Variants in HHAT observed in about 807,000 individuals in gnomAD.
HHAT encodes protein-cysteine N-palmitoyltransferase HHAT.
A neutral mutation model predicts 70.8 loss-of-function variants in HHAT; 47 were observed. That is an observed-to-expected ratio of 0.66 (90% confidence interval 0.53 to 0.85). The LOEUF (loss-of-function observed/expected upper bound fraction) is 0.85, where lower values mean the gene tolerates loss of function less well. Among genes scored for constraint, HHAT ranks in the 40% least tolerant of loss-of-function variants. The pLI is 0.00. For missense variants in HHAT, 609 were observed against 604.8 expected, an observed-to-expected ratio of 1.01 and a Z score of -0.07; for synonymous variants, 228 against 247.6, an observed-to-expected ratio of 0.92 and a Z score of 0.74.
At chr1:210,511,788 T>C (rs1391168367) in intron 8 of HHAT, among the ~76,000 whole-genome samples, 1 of 70,722 alleles carries the variant, frequency 1.4e-5, no homozygotes, top group Non-Finnish European at 3.1e-5. Context: ...GTCTTTTTTT[T>C]TTTTTTTTTT....
intron 3 of HHAT, among the ~76,000 whole-genome samples, chr1:210,384,953 A>G (rs2090928167): frequency 6.6e-6 from 1 of 152,136 alleles, no homozygotes. Context: ...TTAAATAGGG[A>G]AGAATAGACA....
At position 210,362,937 on chromosome 1, in the gene HHAT, A is replaced by G; in HGVS notation, c.159+18A>G. 1 of 1,564,386 alleles carries G rather than the reference A, an allele frequency of 6.4e-7. No homozygotes were observed. Among genetic ancestry groups the G allele is most frequent in the Non-Finnish European group, 8.8e-7 (1 of 1,134,710 alleles). ...TAAAGAAGGTACAAAGTGGATGCAT[A>G]ATAAATCTCAGTTTTCAAACCTGAT... On this transcript the variant is annotated intron_variant, in intron 3 of 11. Coordinates refer to ENST00000261458, the MANE Select transcript of HHAT (RefSeq NM_018194.6).
intron 3 of HHAT, among the ~76,000 whole-genome samples, chr1:210,365,563 C>G (rs2088861967): frequency 6.6e-6 from 1 of 151,934 alleles, no homozygotes; most frequent in Non-Finnish European, 1.5e-5. Flanking sequence ...GGTGATCCAC[C>G]TGCATTGGCC....
intron 6 of HHAT, among the ~76,000 whole-genome samples, chr1:210,411,664 AG>A (rs2092559358): frequency 6.6e-6 from 1 of 152,130 alleles, no homozygotes; most frequent in African/African-American, 2.4e-5. Flanking sequence ...CTGAGGCAGG[AG>A]GATTGCTTGA....
intron 11 of HHAT, among the ~76,000 whole-genome samples, chr1:210,667,612 T>C (rs931820370): frequency 1.3e-5 from 2 of 152,146 alleles, no homozygotes; most frequent in Admixed American, 1.3e-4. Context: ...TTGCCAGTTT[T>C]ATACACCCTT....
At chr1:210,507,230 TAC>T (rs1005905062) in intron 8 of HHAT, among the ~76,000 whole-genome samples, 1 of 152,184 alleles carries the variant, frequency 6.6e-6, no homozygotes, top group African/African-American at 2.4e-5. Context: ...ATTGAGAATA[TAC>T]AGAGTGCTTA....
intron 1 of HHAT, among the ~76,000 whole-genome samples, chr1:210,346,070 G>GAA (rs10616850): frequency 7.7e-6 from 1 of 129,638 alleles, no homozygotes. Flanking sequence ...TCTCCAGGAA[G>GAA]AAAAAAAAAA....
At chr1:210,535,344 A>G (rs2095359523) in intron 9 of HHAT, among the ~76,000 whole-genome samples, 1 of 152,154 alleles carries the variant, frequency 6.6e-6, no homozygotes, top group Non-Finnish European at 1.5e-5. Flanking sequence ...GGTACTGTAC[A>G]GTATTGTAAG....
At chr1:210,511,056 G>A (rs2094944704) in intron 8 of HHAT, among the ~76,000 whole-genome samples, 2 of 152,220 alleles carry the variant, frequency 1.3e-5, no homozygotes, top group African/African-American at 4.8e-5. Context: ...TGTCTGTGGT[G>A]TGGATATTTA....
intron 9 of HHAT, among the ~76,000 whole-genome samples, chr1:210,543,191 T>A (rs2095448141): frequency 6.6e-6 from 1 of 152,160 alleles, no homozygotes; most frequent in African/African-American, 2.4e-5. Context: ...AAAAAGAAAT[T>A]CAGCTAATTT....
At chr1:210,477,907 A>G (rs1005258072) in intron 8 of HHAT, among the ~76,000 whole-genome samples, 4 of 152,232 alleles carry the variant, frequency 2.6e-5, no homozygotes, top group African/African-American at 9.6e-5. Flanking sequence ...CATTGTCATC[A>G]TAATGTAAAT....
At chr1:210,614,407 T>A (rs183609905) in intron 10 of HHAT, among the ~76,000 whole-genome samples, 168 of 152,202 alleles carry the variant, frequency 1.1e-3, no homozygotes, top group South Asian at 8.3e-3. Flanking sequence ...CTTTAAAAAA[T>A]TTTTTAAATA....
At chr1:210,644,515 A>G (rs1174252041) in intron 11 of HHAT, among the ~76,000 whole-genome samples, 1 of 145,768 alleles carries the variant, frequency 6.9e-6, no homozygotes, top group Admixed American at 7.1e-5. Flanking sequence ...AGGCAGGATA[A>G]TTGCTTGAAC....
At chr1:210,562,117 T>A (rs574899409) in intron 9 of HHAT, among the ~76,000 whole-genome samples, 1 of 152,158 alleles carries the variant, frequency 6.6e-6, no homozygotes, top group Admixed American at 6.6e-5. Context: ...TTACAACTTA[T>A]AGATATCATT....
intron 9 of HHAT, among the ~76,000 whole-genome samples, chr1:210,532,857 A>C (rs1482684423): frequency 6.6e-6 from 1 of 152,248 alleles, no homozygotes; most frequent in African/African-American, 2.4e-5. Context: ...TAGAATACGA[A>C]AGGAAGAAAG....
rs1453020787 is a variant in HHAT at position 210,676,100 on chromosome 1, A to G, written c.*1721A>G. 1 of 152,228 alleles carries G rather than the reference A, an allele frequency of 6.6e-6. No individual in the cohort carries two copies. The highest frequency in any genetic ancestry group is 1.5e-5 in the Non-Finnish European group (1 of 68,044). The allele number at this position is 152,228 out of a possible 1,614,324, so 9.4% of individuals were successfully genotyped here. ...AGGGAAGTGTCTAATGTATGTGCAC[A>G]TATAAGTAATACAAAAGTTTTGAGC... On this transcript the variant is annotated 3_prime_UTR_variant, in exon 12 of 12. Coordinates refer to ENST00000261458, the MANE Select transcript of HHAT (RefSeq NM_018194.6).
intron 8 of HHAT, among the ~76,000 whole-genome samples, chr1:210,467,335 C>T (rs1453744624): frequency 6.6e-6 from 1 of 152,142 alleles, no homozygotes; most frequent in Non-Finnish European, 1.5e-5. Flanking sequence ...GTGTGATTTG[C>T]AGATGCTCCT....
intron 1 of HHAT, among the ~76,000 whole-genome samples, chr1:210,345,003 T>C (rs1422366532): frequency 6.6e-6 from 1 of 152,184 alleles, no homozygotes; most frequent in Non-Finnish European, 1.5e-5. Context: ...GCTTGGAAAT[T>C]TGAAGTGGTT....
At chr1:210,663,573 A>G (rs995579078) in intron 11 of HHAT, among the ~76,000 whole-genome samples, 13 of 152,170 alleles carry the variant, frequency 8.5e-5, no homozygotes, top group African/African-American at 2.9e-4. Context: ...AGAATGAGGG[A>G]TGTACCCAGC....
Sources: allele counts gnomAD v4.1 joint callset (sites outside exome capture counted in the v4.1 genomes callset), GRCh38; gene constraint gnomAD v4.1.1; transcripts MANE v1.5; gene names NCBI Gene and HGNC (gene_info 2026-07-23, HGNC 2026-07-21).